WWOX: variants seen among roughly 807,000 people sequenced by gnomAD.
WWOX encodes the protein WW domain-containing oxidoreductase.
A neutral mutation model predicts 46.2 loss-of-function variants in WWOX; 69 were observed. That is an observed-to-expected ratio of 1.49 (90% CI 1.23 to 1.82). WWOX has a LOEUF of 1.82. Among genes scored for constraint, WWOX ranks in the 40% most tolerant of loss-of-function variants. The pLI, the probability that WWOX is intolerant of heterozygous loss-of-function variation, is 0.00. For synonymous variants in WWOX, 359 were observed against 202.6 expected (o/e 1.77, Z -6.56); for missense variants, 919 against 542.6 (o/e 1.69, Z -6.89).
intron 4 of WWOX, among the ~76,000 whole-genome samples, chr16:78,120,974 C>A (rs2033064990): frequency 6.6e-6 from 1 of 151,874 alleles, no homozygotes; most frequent in Non-Finnish European, 1.5e-5. Flanking sequence ...TAAAGCATGT[C>A]ATTGATGGTT....
intron 4 of WWOX, among the ~76,000 whole-genome samples, chr16:78,146,784 A>T (rs1208832459): frequency 2.6e-5 from 4 of 152,240 alleles, no homozygotes; most frequent in Non-Finnish European, 1.5e-5. Flanking sequence ...TGAATATGTT[A>T]TAACCAAAAA....
At chr16:78,576,443 T>G (rs565403160) in intron 8 of WWOX, among the ~76,000 whole-genome samples, 1 of 152,210 alleles carries the variant, frequency 6.6e-6, no homozygotes, top group Admixed American at 6.5e-5. Context: ...TCTGGAGGCG[T>G]TGGGCTTGGA....
intron 8 of WWOX, among the ~76,000 whole-genome samples, chr16:78,446,202 C>G (rs925864641): frequency 2.0e-5 from 3 of 152,198 alleles, no homozygotes; most frequent in South Asian, 4.1e-4. Context: ...GAAATACATA[C>G]ATCATACTTG....
At chr16:78,824,992 T>C (rs965011331) in intron 8 of WWOX, among the ~76,000 whole-genome samples, 3 of 152,182 alleles carry the variant, frequency 2.0e-5, no homozygotes, top group African/African-American at 4.8e-5. Context: ...GGCAGCGTTA[T>C]AGCCATAAAC....
chr16:78,585,409 G>GTTGA (rs1406187917), intron 8 of WWOX, among the ~76,000 whole-genome samples: 1 of 152,134 alleles, frequency 6.6e-6, no homozygotes, highest in African/African-American at 2.4e-5. Flanking sequence ...TACTTGTGGG[G>GTTGA]TTGACTCTTA....
chr16:78,404,168 GA>G (rs1373141654), intron 6 of WWOX, among the ~76,000 whole-genome samples: 2 of 152,112 alleles, frequency 1.3e-5, no homozygotes, highest in African/African-American at 4.8e-5. Context: ...GTAACAGAGG[GA>G]GGGACTCGGG....
chr16:78,412,424 T>G (rs1294212137), intron 6 of WWOX, among the ~76,000 whole-genome samples: 1 of 152,146 alleles, frequency 6.6e-6, no homozygotes, highest in African/African-American at 2.4e-5. Flanking sequence ...TGGCTAGAGC[T>G]AAGGGTTTGA....
chr16:79,208,881 A>G (rs986187606), intron 8 of WWOX, among the ~76,000 whole-genome samples: 2 of 152,214 alleles, frequency 1.3e-5, no homozygotes, highest in Non-Finnish European at 2.9e-5. Context: ...GTATGGGACC[A>G]ACAAGATATT....
intron 4 of WWOX, among the ~76,000 whole-genome samples, chr16:78,116,545 A>C (rs1468117869): frequency 6.6e-6 from 1 of 152,204 alleles, no homozygotes; most frequent in Non-Finnish European, 1.5e-5. Flanking sequence ...CTGGGCTCCA[A>C]ATATGTTCAA....
intron 5 of WWOX, among the ~76,000 whole-genome samples, chr16:78,214,510 G>A (rs2036657398): frequency 6.6e-6 from 1 of 152,072 alleles, no homozygotes; most frequent in African/African-American, 2.4e-5. Flanking sequence ...ATCTCCTCCC[G>A]AAGTCTCTTC....
chr16:79,197,087 A>C (rs1159741230), intron 8 of WWOX, among the ~76,000 whole-genome samples: 1 of 152,156 alleles, frequency 6.6e-6, no homozygotes, highest in African/African-American at 2.4e-5. Context: ...CAGGGGAGCT[A>C]CCTGAGTGGA....
At chr16:78,748,813 G>C (rs758514614) in intron 8 of WWOX, among the ~76,000 whole-genome samples, 34 of 152,250 alleles carry the variant, frequency 2.2e-4, no homozygotes, top group Non-Finnish European at 4.6e-4. Flanking sequence ...GGCAAACACA[G>C]ATGCTGCCCA....
At chr16:78,491,491 G>T (rs1170938336) in intron 8 of WWOX, among the ~76,000 whole-genome samples, 1 of 152,050 alleles carries the variant, frequency 6.6e-6, no homozygotes. Flanking sequence ...TTGAGACAGG[G>T]TTTTGCTGTC....
At chr16:78,889,438 C>G (rs55851063) in intron 8 of WWOX, among the ~76,000 whole-genome samples, 52,139 of 148,536 alleles carry the variant, frequency 0.35, 10,414 homozygotes, top group Non-Finnish European at 0.44. Flanking sequence ...AAACGCGAGC[C>G]GACTTGATGT....
chr16:78,887,388 C>G (rs555445681), intron 8 of WWOX, among the ~76,000 whole-genome samples: 2 of 151,650 alleles, frequency 1.3e-5, no homozygotes, highest in African/African-American at 4.8e-5. Context: ...TCAGTGCATT[C>G]GCTTCCAAGG....
chr16:78,578,594 A>T (rs558016332), intron 8 of WWOX, among the ~76,000 whole-genome samples: 1 of 152,022 alleles, frequency 6.6e-6, no homozygotes, highest in South Asian at 2.1e-4. Flanking sequence ...GGCGAAAATT[A>T]TATATTATAC....
At chr16:78,305,824 C>T (rs575859945) in intron 5 of WWOX, among the ~76,000 whole-genome samples, 2 of 152,230 alleles carry the variant, frequency 1.3e-5, no homozygotes, top group East Asian at 3.9e-4. Flanking sequence ...CCTTGTGGCA[C>T]AACATTGCCA....
chr16:78,406,467 C>T (rs1220698108), intron 6 of WWOX, among the ~76,000 whole-genome samples: 14 of 149,970 alleles, frequency 9.3e-5, no homozygotes, highest in Non-Finnish European at 1.9e-4. Context: ...ATTCCCCTGC[C>T]TTAGCCTCCT....
intron 8 of WWOX, among the ~76,000 whole-genome samples, chr16:79,079,365 C>T (rs578079612): frequency 3.9e-5 from 6 of 152,230 alleles, no homozygotes; most frequent in Non-Finnish European, 8.8e-5. Flanking sequence ...AAAAATATGA[C>T]AGAAGTGTCA....
Sources: allele counts gnomAD v4.1 joint callset (sites outside exome capture counted in the v4.1 genomes callset), GRCh38; gene constraint gnomAD v4.1.1; transcripts MANE v1.5; gene names NCBI Gene and HGNC (gene_info 2026-07-23, HGNC 2026-07-21).